Variants in ARHGEF10L observed in about 807,000 individuals in gnomAD.
ARHGEF10L encodes the protein Rho guanine nucleotide exchange factor 10 like.
A neutral mutation model predicts 141.2 loss-of-function variants in ARHGEF10L; 69 were observed. That is an observed-to-expected ratio of 0.49 (90% confidence interval 0.40 to 0.60). The LOEUF is 0.60. Among genes scored for constraint, ARHGEF10L ranks in the 20% least tolerant of loss-of-function variants. The pLI, the probability that ARHGEF10L is intolerant of heterozygous loss-of-function variation, is 0.00. For missense variants in ARHGEF10L, 1,482 were observed against 1,734.3 expected (o/e 0.85, Z 2.58); for synonymous variants, 711 against 718.5 (o/e 0.99, Z 0.17).
In ARHGEF10L at chr1:17,619,666, G is replaced by C. The variant is rs890942416; in HGVS notation, c.942+221G>C. On this transcript the variant is annotated intron_variant, in intron 10 of 28. Transcript: ENST00000361221. The surrounding 1 kb of genome is among the most constrained non-coding windows in gnomAD (Gnocchi z 5.0). ...CGTGTGCTCTGTGCTGTTGGTTTTGGGGGGTGGGCTCCCGGCATCTAGAAC... is the reference window on the plus strand; with the variant it reads ...CGTGTGCTCTGTGCTGTTGGTTTTGCGGGGTGGGCTCCCGGCATCTAGAAC... Among the ~76,000 whole-genome samples the C allele has an allele frequency of 1.3e-5, 2 of 152,138 alleles. No homozygotes were observed. The highest frequency in any genetic ancestry group is 2.4e-5 in the African/African-American group (1 of 41,436).
At chr1:17,565,414 C>G (rs2077710976) in intron 1 of ARHGEF10L, among the ~76,000 whole-genome samples, 1 of 152,208 alleles carries the variant, frequency 6.6e-6, no homozygotes, top group African/African-American at 2.4e-5. Flanking sequence ...CTGCTGCATC[C>G]CAGGCATTGC....
chr1:17,664,726 G>A (rs573098238), intron 26 of ARHGEF10L, 131 bp downstream of exon 26: 41 of 1,200,266 alleles, frequency 3.4e-5, no homozygotes, highest in East Asian at 5.8e-5. Flanking sequence ...GAGTTTGTCC[G>A]GAAGCAGAGG....
intron 15 of ARHGEF10L, among the ~76,000 whole-genome samples, chr1:17,629,920 G>A (rs192600331): frequency 3.9e-5 from 6 of 152,318 alleles, no homozygotes; most frequent in East Asian, 1.9e-4. Context: ...AATAAATTCC[G>A]TAGTGGTTGG....
At chr1:17,568,729 T>C (rs113885705) in intron 1 of ARHGEF10L, among the ~76,000 whole-genome samples, 1,880 of 152,236 alleles carry the variant, frequency 0.012, 38 homozygotes, top group African/African-American at 0.043. Flanking sequence ...CACCACAGGG[T>C]TGGTCAGCAG....
At chr1:17,515,039 C>T in the ARHGEF10L span, among the ~76,000 whole-genome samples, 2 of 152,216 alleles carry the variant, frequency 1.3e-5, no homozygotes, top group Non-Finnish European at 2.9e-5. Context: ...CTCTTGATAG[C>T]ACCAAGCCTC....
chr1:17,606,828 C>T (rs2101020568), intron 6 of ARHGEF10L, among the ~76,000 whole-genome samples: 1 of 152,282 alleles, frequency 6.6e-6, no homozygotes, highest in East Asian at 1.9e-4. Flanking sequence ...ACCCTGTGTT[C>T]CGGCCTCGGG....
At chr1:17,580,376 C>G (rs941615950) in intron 1 of ARHGEF10L, among the ~76,000 whole-genome samples, 177 bp from the exon 2 acceptor site, 1 of 152,180 alleles carries the variant, frequency 6.6e-6, no homozygotes, top group Admixed American at 6.5e-5. Flanking sequence ...TGCACAGCTG[C>G]TGATGTTTCT....
chr1:17,681,643 C>A (rs1173117799), intron 26 of ARHGEF10L, among the ~76,000 whole-genome samples: 1 of 151,950 alleles, frequency 6.6e-6, no homozygotes, highest in Non-Finnish European at 1.5e-5. Context: ...TCAGGGGAGC[C>A]CTACACCTCC....
At chr1:17,645,748 G>T (rs917735391) in intron 21 of ARHGEF10L, among the ~76,000 whole-genome samples, 1 of 152,224 alleles carries the variant, frequency 6.6e-6, no homozygotes, top group South Asian at 2.1e-4. Flanking sequence ...CGTGCAAGGC[G>T]CCCCCGTGGG....
intron 4 of ARHGEF10L, among the ~76,000 whole-genome samples, chr1:17,588,880 G>GTGTGTGTGTGTCTGTGTGTGTGTC (rs1553181483): frequency 1.3e-5 from 1 of 74,504 alleles, no homozygotes; most frequent in African/African-American, 6.8e-5. Context: ...GTGTGTGTGT[G>GTGTGTGTGTGTCTGTGTGTGTGTC]TGTGTGTGTG....
At chr1:17,695,125 AG>A in intron 27 of ARHGEF10L, 32 bp from the exon 28 acceptor site, 1 of 1,611,222 alleles carries the variant, frequency 6.2e-7, no homozygotes, top group Non-Finnish European at 8.5e-7. Flanking sequence ...TCTCCCCAGG[AG>A]GGCACTGCTC....
At position 17,603,954 on chromosome 1, in the gene ARHGEF10L, C is replaced by A. The variant is rs1227290026; in HGVS notation, c.433+363C>A. ...CACTCAAAGGGTGAAGCAGATAAAGCTTTGCAAAGCCCTGCGCCCTGCTCT... is the reference window on the plus strand; with the variant it reads ...CACTCAAAGGGTGAAGCAGATAAAGATTTGCAAAGCCCTGCGCCCTGCTCT... On this transcript the variant is annotated intron_variant, in intron 6 of 28. Transcript: ENST00000361221. The surrounding 1 kb of genome is among the most constrained non-coding windows in gnomAD (Gnocchi z 4.8). Among the ~76,000 whole-genome samples, 1 of 152,184 alleles carries A rather than the reference C, an allele frequency of 6.6e-6. No individual in the cohort carries two copies. Among genetic ancestry groups the A allele is most frequent in the Non-Finnish European group, 1.5e-5 (1 of 68,026 alleles).
rs1418394528 is a variant in ARHGEF10L, at chr1:17,632,406, C to T, written c.1670C>T (p.Ser557Phe). ...GGTGACCGCGGGCAGCTAATTAAGT[C>T]CAAGGAGCGTCGGGTCTTCCTGCTC... ...VYGDRGQLIK[S>F]KERRVFLLND... is the part of the protein sequence containing the mutation. The change falls in exon 16 of 29, where the codon TCC (serine) becomes TTC (phenylalanine). Residue 557 changes from serine to phenylalanine, a missense_variant. Ser to Phe is a radical substitution (Grantham distance 155, BLOSUM62 -2). This residue lies in a region of ARHGEF10L where 392 missense variants were observed against 542.1 expected (regional missense o/e 0.72). Coordinates refer to ENST00000361221, the MANE Select transcript of ARHGEF10L (RefSeq NM_018125.4). 6.2e-7 allele frequency: 1 copy of T among 1,614,186 alleles called. No individual in the cohort carries two copies. The highest frequency in any genetic ancestry group is 2.2e-5 in the East Asian group (1 of 44,870).
At chr1:17,527,018 C>T in the ARHGEF10L span, among the ~76,000 whole-genome samples, 8 of 152,054 alleles carry the variant, frequency 5.3e-5, no homozygotes, top group Non-Finnish European at 1.0e-4. Context: ...TAAGTGGGGC[C>T]GGGATCCCAC....
At chr1:17,649,384 T>G (rs1436414860) in intron 22 of ARHGEF10L, among the ~76,000 whole-genome samples, 1 of 152,104 alleles carries the variant, frequency 6.6e-6, no homozygotes, top group Non-Finnish European at 1.5e-5. Flanking sequence ...GCCTCCCCTT[T>G]CCCAGGGAGA....
chr1:17,664,535 C>T lies in ARHGEF10L; in HGVS notation c.2949C>T (p.Ala983=), dbSNP rs144078812. 40 of 1,608,396 alleles carry T rather than the reference C, an allele frequency of 2.5e-5. No homozygotes were observed. The highest frequency in any genetic ancestry group is 2.2e-4 in the East Asian group (10 of 44,814). The part of the protein sequence containing the change: ...PVRTLLSLED[A]VWASCGPRVT... The stretch of plus-strand genomic sequence containing the variant: ...GCACCCTGTTGAGCCTGGAGGATGC[C>T]GTGTGGGCCAGCTGTGGGCCCCGGG... Residue 983 remains alanine, a synonymous_variant, in exon 26 of 29, where the codon GCC becomes GCT. Coordinates refer to ENST00000361221, the MANE Select transcript of ARHGEF10L (RefSeq NM_018125.4).
intron 8 of ARHGEF10L, among the ~76,000 whole-genome samples, chr1:17,613,596 C>T (rs1368185323): frequency 1.3e-5 from 2 of 152,200 alleles, no homozygotes; most frequent in Non-Finnish European, 2.9e-5. Flanking sequence ...TGGGGTTACA[C>T]ATTGAAAAAC....
chr1:17,679,720 CG>C (rs1195276309), intron 26 of ARHGEF10L, among the ~76,000 whole-genome samples: 77 of 152,246 alleles, frequency 5.1e-4, no homozygotes, highest in Non-Finnish European at 2.9e-5. Context: ...GACGTGACCC[CG>C]GGTCTGAATT....
At chr1:17,522,850 G>A in the ARHGEF10L span, among the ~76,000 whole-genome samples, 1 of 152,028 alleles carries the variant, frequency 6.6e-6, no homozygotes, top group Non-Finnish European at 1.5e-5. Context: ...CCTCTCCAGG[G>A]CAGTCATGGG....
Sources: allele counts gnomAD v4.1 joint callset (sites outside exome capture counted in the v4.1 genomes callset), GRCh38; gene constraint gnomAD v4.1.1; regional missense constraint gnomAD v4.1.1; non-coding constraint Gnocchi (gnomAD v3.1); transcripts MANE v1.5; gene names NCBI Gene and HGNC (gene_info 2026-07-23, HGNC 2026-07-21).